LINC00237: variants seen among roughly 807,000 people sequenced by gnomAD.
LINC00237 encodes the protein long independently transcribed non-coding RNA 237.
chr20:21,097,656 A>C (rs1266809698), intron 1 of LINC00237, among the ~76,000 whole-genome samples: 2 of 152,204 alleles, frequency 1.3e-5, no homozygotes, highest in Non-Finnish European at 2.9e-5. Flanking sequence ...ATTTTTGTGC[A>C]AGTGAACAAG....
chr20:21,086,744 C>A (rs1301494700), intron 3 of LINC00237, among the ~76,000 whole-genome samples: 2 of 119,064 alleles, frequency 1.7e-5, no homozygotes, highest in African/African-American at 6.4e-5. Flanking sequence ...CTATACTATA[C>A]ATGTACTATA....
chr20:21,091,206 A>G (rs2030788844), intron 2 of LINC00237, among the ~76,000 whole-genome samples: 1 of 151,962 alleles, frequency 6.6e-6, no homozygotes. Context: ...TTTTTATGGC[A>G]TCCAGGGTAA....
intron 1 of LINC00237, among the ~76,000 whole-genome samples, chr20:21,102,322 T>G (rs1600314986): frequency 6.6e-6 from 1 of 152,148 alleles, no homozygotes; most frequent in African/African-American, 2.4e-5. Flanking sequence ...GAGAGGGGAA[T>G]TTAAGTTTCC....
intron 1 of LINC00237, among the ~76,000 whole-genome samples, chr20:21,095,565 T>G (rs1174531394): frequency 6.6e-6 from 1 of 152,176 alleles, no homozygotes; most frequent in Non-Finnish European, 1.5e-5. Context: ...GCACATATGG[T>G]ATTAGGGAGC....
chr20:21,094,444 G>A (rs953463961), intron 1 of LINC00237, among the ~76,000 whole-genome samples: 7 of 152,202 alleles, frequency 4.6e-5, no homozygotes, highest in African/African-American at 1.4e-4. Context: ...AATAACAAGT[G>A]TGTATAATAA....
At chr20:21,086,801 TA>T (rs1252072605) in intron 3 of LINC00237, among the ~76,000 whole-genome samples, 1 of 123,734 alleles carries the variant, frequency 8.1e-6, no homozygotes, top group African/African-American at 3.2e-5. Flanking sequence ...ACATATACTA[TA>T]TATATGTATA....
chr20:21,105,298 C>G (rs2030984971), intron 1 of LINC00237, among the ~76,000 whole-genome samples: 1 of 151,414 alleles, frequency 6.6e-6, no homozygotes, highest in Non-Finnish European at 1.5e-5. Flanking sequence ...CCCCCCACCC[C>G]AAGGTGTTGT....
At chr20:21,089,584 C>G (rs2030764533) in intron 2 of LINC00237, 1 of 152,062 alleles carries the variant, frequency 6.6e-6, no homozygotes, top group Non-Finnish European at 1.5e-5. Context: ...AAGAATTGGG[C>G]TGGAGGGATG....
chr20:21,094,537 A>T (rs949368008), intron 1 of LINC00237, among the ~76,000 whole-genome samples: 2 of 152,228 alleles, frequency 1.3e-5, no homozygotes, highest in African/African-American at 4.8e-5. Flanking sequence ...ATGAAATAGG[A>T]TAAGAGTGTG....
intron 1 of LINC00237, among the ~76,000 whole-genome samples, chr20:21,103,785 G>T (rs1306405465): frequency 6.6e-6 from 1 of 152,186 alleles, no homozygotes; most frequent in Admixed American, 6.5e-5. Context: ...GGCACGTCGA[G>T]CGAACAATGC....
intron 3 of LINC00237, among the ~76,000 whole-genome samples, chr20:21,086,849 T>A (rs1411722383): frequency 7.7e-6 from 1 of 130,144 alleles, no homozygotes; most frequent in African/African-American, 2.9e-5. Flanking sequence ...ATGTATAGTA[T>A]ACACTATATA....
chr20:21,088,385 T>C (rs1455594386), intron 2 of LINC00237, among the ~76,000 whole-genome samples: 3 of 152,176 alleles, frequency 2.0e-5, no homozygotes, highest in African/African-American at 7.2e-5. Flanking sequence ...ACCAAAGCTA[T>C]GCTGAGTCAT....
intron 2 of LINC00237, among the ~76,000 whole-genome samples, chr20:21,088,647 G>A (rs1452981879): frequency 2.0e-5 from 3 of 152,178 alleles, no homozygotes; most frequent in African/African-American, 7.2e-5. Flanking sequence ...TCTACACAGG[G>A]AAATGTGGAT....
chr20:21,100,462 C>G (rs887946418), intron 1 of LINC00237, among the ~76,000 whole-genome samples: 2 of 152,260 alleles, frequency 1.3e-5, no homozygotes, highest in Non-Finnish European at 2.9e-5. Context: ...GCTAGGGGCC[C>G]GGCGTGGAAG....
In LINC00237 at chr20:21,101,839, T is replaced by G. The variant is rs2030936266; in HGVS notation, n.88+4432A>C. 2.0e-5 allele frequency among the ~76,000 whole-genome samples: 3 copies of G among 149,834 alleles called. No homozygotes were observed. The stretch of plus-strand genomic sequence containing the variant: ...GTTGGAACACAGCCCCCTAGCTGAG[T>G]GCAGGGGCCAGAGGCTGGCGGGGGC... On this transcript the variant is annotated intron_variant and non_coding_transcript_variant, in intron 1 of 3. Transcript: ENST00000691244. This position sits in a 1 kb window ranked among gnomAD's most constrained non-coding sequence, Gnocchi z 4.3.
intron 1 of LINC00237, among the ~76,000 whole-genome samples, chr20:21,105,000 A>G (rs2030980037): frequency 6.6e-6 from 1 of 152,154 alleles, no homozygotes; most frequent in Admixed American, 6.5e-5. Flanking sequence ...ATATCCAAGG[A>G]GCCCAACCTA....
chr20:21,104,994 C>A (rs1036657627), intron 1 of LINC00237, among the ~76,000 whole-genome samples: 8 of 152,144 alleles, frequency 5.3e-5, no homozygotes, highest in Non-Finnish European at 1.2e-4. Context: ...GGCTGCATAT[C>A]CAAGGAGCCC....
At chr20:21,094,915 G>C (rs866090156) in intron 1 of LINC00237, among the ~76,000 whole-genome samples, 2 of 152,278 alleles carry the variant, frequency 1.3e-5, no homozygotes, top group Middle Eastern at 3.4e-3. Flanking sequence ...GCTGGGCATG[G>C]TGGTGCGTGC....
intron 2 of LINC00237, among the ~76,000 whole-genome samples, chr20:21,091,160 A>G (rs1433155739): frequency 6.7e-6 from 1 of 148,658 alleles, no homozygotes; most frequent in East Asian, 2.0e-4. Context: ...ATTTGGGGGA[A>G]AGAAATTCTC....
Sources: gnomAD v4.1 joint callset for allele counts (sites outside exome capture counted in the v4.1 genomes callset) on GRCh38, gnomAD v4.1.1 for gene constraint, Gnocchi (gnomAD v3.1) non-coding constraint, MANE v1.5 for transcripts, NCBI Gene and HGNC (gene_info 2026-07-23, HGNC 2026-07-21) for gene names.